Variants in CAPN5 observed in about 807,000 individuals in gnomAD.
CAPN5 encodes the protein calpain-5.
A neutral mutation model predicts 73.0 loss-of-function variants in CAPN5; 54 were observed. That is an observed-to-expected ratio of 0.74 (90% CI 0.59 to 0.93). The LOEUF (loss-of-function observed/expected upper bound fraction) is 0.93. Among genes scored for constraint, CAPN5 ranks in the 40% least tolerant of loss-of-function variants. The pLI is 0.00. For synonymous variants in CAPN5, 335 were observed against 356.9 expected (o/e 0.94, Z 0.69); for missense variants, 785 against 882.9 (o/e 0.89, Z 1.41).
At chr11:77,094,144 CACT>C (rs781799012) in intron 3 of CAPN5, among the ~76,000 whole-genome samples, 20 of 152,334 alleles carry the variant, frequency 1.3e-4, no homozygotes, top group Admixed American at 2.6e-4. Context: ...GTGCAGACAC[CACT>C]GATGGGGCTC....
rs1165918313 is a variant in CAPN5 at position 77,102,859 on chromosome 11, A to G, written c.297+9046A>G. ...TGGGCCATGGCGGAGGACAGGCCGC[A>G]GCAGCCGCAGCTGGACATGCCGCTG... On this transcript the variant is annotated intron_variant, in intron 3 of 12. Transcript: ENST00000648180. 6.2e-7 allele frequency: 1 copy of G among 1,601,088 alleles called. No individual in the cohort carries two copies.
Position 77,112,726 on chromosome 11 carries a change from C to T in CAPN5, c.435C>T (p.Asn145=), listed in dbSNP as rs1379915302. The T allele has an allele frequency of 3.7e-6, 6 of 1,614,146 alleles. No individual in the cohort carries two copies. The highest frequency in any genetic ancestry group is 1.3e-5 in the African/African-American group (1 of 74,956). ...ATGACCGGCTGCCCACAGTCAACAACCAGCTCATCTACTGCCACTCCAACT... is the reference window on the plus strand; with the variant it reads ...ATGACCGGCTGCCCACAGTCAACAATCAGCTCATCTACTGCCACTCCAACT... ...VIDDRLPTVN[N]QLIYCHSNSR... The change falls in exon 4 of 13, where the codon AAC becomes AAT. Residue 145 remains asparagine (N), a synonymous_variant. Coordinates refer to ENST00000648180, the MANE Select transcript of CAPN5 (RefSeq NM_004055.5).
In CAPN5 at chr11:77,086,163, G is replaced by A. The variant is rs144915920; in HGVS notation, c.165+1112G>A. Among the ~76,000 whole-genome samples, 834 of 152,292 alleles carry A rather than the reference G, an allele frequency of 5.5e-3. 5 individuals are homozygous for A. Among genetic ancestry groups the A allele is most frequent in the Non-Finnish European group, 7.6e-3 (520 of 68,024 alleles). ...TGCTCTGTGAGTAGTGAGGTCCCGC[G>A]AAGGCAAAGGCTTTCAGCAGCCTGT... On this transcript the variant is annotated intron_variant, in intron 2 of 12. Coordinates refer to ENST00000648180, the MANE Select transcript of CAPN5 (RefSeq NM_004055.5).
chr11:77,089,886 C>CA (rs1555036193), intron 2 of CAPN5, among the ~76,000 whole-genome samples: 1 of 152,072 alleles, frequency 6.6e-6, no homozygotes, highest in East Asian at 1.9e-4. Flanking sequence ...AAAAAACAAA[C>CA]AAAAACAAAC....
At chr11:77,108,560 A>G (rs1211502443) in intron 3 of CAPN5, among the ~76,000 whole-genome samples, 1 of 152,112 alleles carries the variant, frequency 6.6e-6, no homozygotes, top group African/African-American at 2.4e-5. Context: ...TTTCTACTGT[A>G]GACAGCGAGA....
At chr11:77,074,159 A>T (rs1307511651) in intron 1 of CAPN5, among the ~76,000 whole-genome samples, 1 of 152,248 alleles carries the variant, frequency 6.6e-6, no homozygotes, top group Non-Finnish European at 1.5e-5. Context: ...GGCAGCCACC[A>T]AATGGAGTTT....
chr11:77,114,543 C>T (rs1950447497), intron 5 of CAPN5, 109 bp downstream of exon 5: 4 of 993,482 alleles, frequency 4.0e-6, no homozygotes, highest in East Asian at 2.4e-5. Flanking sequence ...CGTATTCAGA[C>T]CCTCAGCCTC....
intron 1 of CAPN5, among the ~76,000 whole-genome samples, chr11:77,070,077 T>A: frequency 6.6e-6 from 1 of 152,154 alleles, no homozygotes; most frequent in Non-Finnish European, 1.5e-5. Context: ...CTGTGGATGA[T>A]GTGTGCTTAC....
chr11:77,094,458 AT>A (rs1950187577), intron 3 of CAPN5, among the ~76,000 whole-genome samples: 1 of 152,214 alleles, frequency 6.6e-6, no homozygotes, highest in Non-Finnish European at 1.5e-5. Flanking sequence ...CCAACCTCCT[AT>A]CCCAGCACTT....
intron 1 of CAPN5, among the ~76,000 whole-genome samples, chr11:77,068,771 T>G (rs1555032569): frequency 1.3e-5 from 2 of 151,856 alleles, no homozygotes; most frequent in African/African-American, 4.8e-5. Flanking sequence ...GCAGGGGTGC[T>G]GGGGGCAGGA....
intron 1 of CAPN5, among the ~76,000 whole-genome samples, chr11:77,080,416 AC>A (rs1390411099): frequency 6.6e-6 from 1 of 152,032 alleles, no homozygotes; most frequent in Non-Finnish European, 1.5e-5. Context: ...TGGCTCCATG[AC>A]CCCATCTCTC....
chr11:77,070,281 A>G (rs1164413419), intron 1 of CAPN5, among the ~76,000 whole-genome samples: 3 of 152,208 alleles, frequency 2.0e-5, no homozygotes, highest in Non-Finnish European at 2.9e-5. Context: ...ATCAAAGCCC[A>G]TCCACTGGTC....
At position 77,125,614 on chromosome 11, in the gene CAPN5, C is replaced by CTATATATATATA. The variant is rs10543158; in HGVS notation, c.*1759_*1770dup. 1.2e-3 allele frequency: 166 copies of CTATATATATATA among 140,714 alleles called. 1 individual carries two copies. The highest frequency in any genetic ancestry group is 3.5e-3 in the African/African-American group (133 of 38,408). The allele number at this position is 140,714 out of a possible 1,614,324, so 8.7% of individuals were successfully genotyped here. On this transcript the variant is annotated 3_prime_UTR_variant, in exon 13 of 13. Coordinates refer to ENST00000648180, the MANE Select transcript of CAPN5 (RefSeq NM_004055.5). ...CTATGTATCTCTGTATGCACACGCA[C>CTATATATATATA]TATATATATATATATATATATATAT...
intron 2 of CAPN5, among the ~76,000 whole-genome samples, chr11:77,091,342 G>T (rs1555036488): frequency 6.6e-6 from 1 of 152,186 alleles, no homozygotes; most frequent in Admixed American, 6.5e-5. Context: ...TCTGCTGGCC[G>T]CCTGTGGTAG....
At chr11:77,072,485 T>C (rs1555033222) in intron 1 of CAPN5, among the ~76,000 whole-genome samples, 2 of 152,150 alleles carry the variant, frequency 1.3e-5, no homozygotes, top group African/African-American at 4.8e-5. Flanking sequence ...GAAGTTGGAA[T>C]GGGGGACACA....
chr11:77,093,394 C>T (rs1950171598), intron 2 of CAPN5, among the ~76,000 whole-genome samples: 1 of 152,194 alleles, frequency 6.6e-6, no homozygotes, highest in African/African-American at 2.4e-5. Flanking sequence ...GGGTCCAGCG[C>T]TCTGACGTCT....
At chr11:77,074,814 G>A (rs1422297531) in intron 1 of CAPN5, among the ~76,000 whole-genome samples, 4 of 152,252 alleles carry the variant, frequency 2.6e-5, no homozygotes, top group African/African-American at 7.2e-5. Flanking sequence ...TGTGGGGTAC[G>A]GGGCAGTGGA....
intron 5 of CAPN5, among the ~76,000 whole-genome samples, chr11:77,114,685 G>C (rs937851703): frequency 6.6e-6 from 1 of 152,216 alleles, no homozygotes; most frequent in Non-Finnish European, 1.5e-5. Flanking sequence ...GTGCATCTGA[G>C]GGTGGTCCTG....
chr11:77,111,941 T>G (rs1591141679), intron 3 of CAPN5, among the ~76,000 whole-genome samples: 5 of 142,170 alleles, frequency 3.5e-5, no homozygotes, highest in East Asian at 2.1e-4. Flanking sequence ...GGAGCAGGGG[T>G]GGGGGCTGCT....
Sources: allele counts gnomAD v4.1 joint callset (sites outside exome capture counted in the v4.1 genomes callset), GRCh38; gene constraint gnomAD v4.1.1; transcripts MANE v1.5; gene names NCBI Gene and HGNC (gene_info 2026-07-23, HGNC 2026-07-21).